ADK: variants seen among roughly 807,000 people sequenced by gnomAD.
ADK encodes the protein adenosine kinase.
In ADK, 24 loss-of-function variants were observed where a neutral mutation model predicts 44.7. The observed-to-expected ratio is 0.54, with a 90% CI of 0.39 to 0.76. ADK has a LOEUF of 0.76. Ranked by LOEUF, ADK falls within the 30% of genes least tolerant of loss-of-function variation. The pLI, the probability that ADK is intolerant of heterozygous loss-of-function variation, is 0.00. For missense variants in ADK, 321 were observed against 425.1 expected (o/e 0.76, Z 2.15); for synonymous variants, 128 against 142.6 (o/e 0.90, Z 0.73).
chr10:74,490,880 GGT>G (rs1847456322), intron 6 of ADK, among the ~76,000 whole-genome samples: 2 of 152,034 alleles, frequency 1.3e-5, no homozygotes, highest in South Asian at 4.2e-4. Context: ...TGGAAATAAT[GGT>G]GTCCATGTTT....
intron 9 of ADK, among the ~76,000 whole-genome samples, chr10:74,647,032 A>G (rs1854077298): frequency 6.6e-6 from 1 of 152,136 alleles, no homozygotes; most frequent in African/African-American, 2.4e-5. Flanking sequence ...ATTAAAAGGT[A>G]TTAAATTGTA....
chr10:74,488,165 CAGTA>C (rs1847333812), intron 6 of ADK, among the ~76,000 whole-genome samples: 1 of 151,820 alleles, frequency 6.6e-6, no homozygotes, highest in South Asian at 2.1e-4. Flanking sequence ...TCATGAAAGA[CAGTA>C]AGGAGAATGG....
At chr10:74,626,151 A>G (rs1032052143) in intron 9 of ADK, among the ~76,000 whole-genome samples, 3 of 152,160 alleles carry the variant, frequency 2.0e-5, no homozygotes, top group African/African-American at 7.2e-5. Context: ...AATCATATTC[A>G]CCCCATTTTA....
chr10:74,161,109 G>A (rs1841886045), intron 1 of ADK, among the ~76,000 whole-genome samples: 1 of 152,194 alleles, frequency 6.6e-6, no homozygotes, highest in Admixed American at 6.5e-5. Flanking sequence ...ATTGCTACTT[G>A]AAGTTGGGAA....
chr10:74,634,781 C>T (rs1853567130), intron 9 of ADK, among the ~76,000 whole-genome samples: 1 of 151,854 alleles, frequency 6.6e-6, no homozygotes, highest in South Asian at 2.1e-4. Context: ...CCCGTCTCTA[C>T]TAAAAATACA....
chr10:74,669,207 A>G lies in ADK; in HGVS notation c.878-976A>G, dbSNP rs554360203. Among the ~76,000 whole-genome samples, 12 of 151,876 alleles carry G rather than the reference A, an allele frequency of 7.9e-5. 1 individual carries two copies. In the South Asian group the frequency reaches 1.0e-3, roughly 13 times the overall value. On this transcript the variant is annotated intron_variant, in intron 9 of 10. Transcript: ENST00000539909. ...CAGAATATGCTTTTGAAGATTCTCT[A>G]TGCTCTTTATTAATACCTTTCTTAA...
chr10:74,228,467 A>G (rs552503776), intron 3 of ADK, among the ~76,000 whole-genome samples: 2 of 152,302 alleles, frequency 1.3e-5, no homozygotes, highest in South Asian at 4.1e-4. Flanking sequence ...AATAATTTAA[A>G]ATAAATTAGG....
chr10:74,640,475 C>G (rs141333739), intron 9 of ADK, among the ~76,000 whole-genome samples: 27 of 152,342 alleles, frequency 1.8e-4, no homozygotes, highest in African/African-American at 5.8e-4. Context: ...TTCCTCTTGT[C>G]TTCTGTGTGC....
At chr10:74,547,261 A>G (rs1849854028) in intron 7 of ADK, among the ~76,000 whole-genome samples, 1 of 151,784 alleles carries the variant, frequency 6.6e-6, no homozygotes, top group Non-Finnish European at 1.5e-5. Flanking sequence ...GTTTTCCAGG[A>G]TCATGGATCA....
At chr10:74,284,870 CAT>C (rs1268658890) in intron 3 of ADK, among the ~76,000 whole-genome samples, 2 of 152,320 alleles carry the variant, frequency 1.3e-5, no homozygotes, top group South Asian at 2.1e-4. Flanking sequence ...CTTTGTCAAA[CAT>C]AGATTTACTC....
Position 74,337,157 on chromosome 10 carries a change from G to T in ADK, c.273+22412G>T, listed in dbSNP as rs572308219. Among the ~76,000 whole-genome samples, 7 of 152,174 alleles carry T rather than the reference G, an allele frequency of 4.6e-5. No individual in the cohort carries two copies. The South Asian group carries it at 1.2e-3, about 27-fold the overall frequency. ...TTAGAACAAAGTCTACTTTGGAGACGTATGTAACAGGCAAGAATTGATGCA... is the reference window on the plus strand; with the variant it reads ...TTAGAACAAAGTCTACTTTGGAGACTTATGTAACAGGCAAGAATTGATGCA... On this transcript the variant is annotated intron_variant, in intron 4 of 10. Coordinates refer to ENST00000539909, the MANE Select transcript of ADK (RefSeq NM_006721.4).
chr10:74,531,066 C>T (rs1849274401), intron 7 of ADK, among the ~76,000 whole-genome samples: 1 of 152,122 alleles, frequency 6.6e-6, no homozygotes, highest in African/African-American at 2.4e-5. Flanking sequence ...AGGGAGAACA[C>T]AGGACATTTG....
intron 5 of ADK, among the ~76,000 whole-genome samples, chr10:74,396,094 G>C (rs1026904042): frequency 1.3e-5 from 2 of 152,134 alleles, no homozygotes; most frequent in African/African-American, 4.8e-5. Context: ...TAATTTTATG[G>C]TTATAGTGAT....
chr10:74,307,299 G>A lies in ADK; in HGVS notation c.195-7368G>A, dbSNP rs183790504. Among the ~76,000 whole-genome samples, 458 of 152,308 alleles carry A rather than the reference G, an allele frequency of 3.0e-3. 1 individual carries two copies. Among genetic ancestry groups the A allele is most frequent in the Non-Finnish European group, 5.7e-3 (386 of 68,036 alleles). The stretch of plus-strand genomic sequence containing the variant: ...ACTTAGCATTCAGTTTCAGAATTCA[G>A]CAAATGTGTTTTGGGGCAAACTAGC... On this transcript the variant is annotated intron_variant, in intron 3 of 10. Coordinates refer to ENST00000539909, the MANE Select transcript of ADK (RefSeq NM_006721.4).
At chr10:74,230,495 AG>A (rs1844719208) in intron 3 of ADK, among the ~76,000 whole-genome samples, 1 of 149,754 alleles carries the variant, frequency 6.7e-6, no homozygotes, top group Non-Finnish European at 1.5e-5. Context: ...TTTTTGAAAC[AG>A]GGTCTCGCTT....
chr10:74,675,643 T>C (rs956700270), intron 10 of ADK, among the ~76,000 whole-genome samples: 2 of 152,210 alleles, frequency 1.3e-5, no homozygotes, highest in African/African-American at 4.8e-5. Flanking sequence ...TGCTGTGCTT[T>C]GTCACAGCAG....
chr10:74,680,058 T>C (rs1855546185), intron 10 of ADK, among the ~76,000 whole-genome samples: 1 of 152,088 alleles, frequency 6.6e-6, no homozygotes, highest in South Asian at 2.1e-4. Flanking sequence ...CTCACGCCTG[T>C]AATCCCAGCA....
chr10:74,231,678 C>T (rs112818615), intron 3 of ADK, among the ~76,000 whole-genome samples: 2,739 of 142,190 alleles, frequency 0.019, 44 homozygotes, highest in Non-Finnish European at 0.027. Context: ...GTTGTCCAGG[C>T]TGGTCTTGAG....
At chr10:74,228,361 A>G (rs1844627993) in intron 3 of ADK, among the ~76,000 whole-genome samples, 1 of 152,272 alleles carries the variant, frequency 6.6e-6, no homozygotes, top group African/African-American at 2.4e-5. Context: ...TGATTTATCT[A>G]AAACTATAGG....
Sources: gnomAD v4.1 joint callset for allele counts (sites outside exome capture counted in the v4.1 genomes callset) on GRCh38, gnomAD v4.1.1 for gene constraint, MANE v1.5 for transcripts, NCBI Gene and HGNC (gene_info 2026-07-23, HGNC 2026-07-21) for gene names.